The following CNBD1 variants were observed in gnomAD, a reference collection of about 807,000 sequenced individuals.
CNBD1 encodes the protein cyclic nucleotide-binding domain-containing protein 1.
CNBD1 carries 71 observed loss-of-function variants against 54.4 expected under a neutral mutation model. The observed-to-expected ratio is 1.30, with a 90% CI of 1.08 to 1.59. The LOEUF (loss-of-function observed/expected upper bound fraction) is 1.59. CNBD1 is among the 40% of genes most tolerant of loss of function. The pLI, the probability that CNBD1 is intolerant of heterozygous loss-of-function variation, is 0.00. For missense variants in CNBD1, 659 were observed against 518.0 expected, an observed-to-expected ratio of 1.27 and a Z score of -2.64; for synonymous variants, 182 against 170.7, an observed-to-expected ratio of 1.07 and a Z score of -0.51.
At chr8:87,016,843 C>T (rs998288084) in intron 4 of CNBD1, among the ~76,000 whole-genome samples, 3 of 152,120 alleles carry the variant, frequency 2.0e-5, no homozygotes, top group Middle Eastern at 3.2e-3. Flanking sequence ...GATTGCCCAA[C>T]GCTCCCTATA....
At chr8:87,261,291 A>G (rs970964485) in intron 6 of CNBD1, among the ~76,000 whole-genome samples, 1 of 152,236 alleles carries the variant, frequency 6.6e-6, no homozygotes, top group Middle Eastern at 3.4e-3. Flanking sequence ...TGAGAGATCA[A>G]TGGACACAAA....
At chr8:87,395,368 G>C (rs1233326763) in intron 2 of CNBD1, among the ~76,000 whole-genome samples, 1 of 151,876 alleles carries the variant, frequency 6.6e-6, no homozygotes, top group Non-Finnish European at 1.5e-5. Context: ...AAGTTATGGA[G>C]AAGAGGGAAG....
chr8:87,190,634 C>T (rs1385847369), intron 4 of CNBD1, among the ~76,000 whole-genome samples: 3 of 151,980 alleles, frequency 2.0e-5, no homozygotes, highest in East Asian at 1.9e-4. Flanking sequence ...AAGGTAATGA[C>T]GCTTAAGCTT....
chr8:87,152,231 G>T (rs1812619498), intron 4 of CNBD1, among the ~76,000 whole-genome samples: 1 of 152,064 alleles, frequency 6.6e-6, no homozygotes, highest in Non-Finnish European at 1.5e-5. Context: ...GGAGACATGA[G>T]TATAGTTACA....
intron 2 of CNBD1, among the ~76,000 whole-genome samples, chr8:87,417,073 T>C (rs896078418): frequency 1.3e-5 from 2 of 152,046 alleles, no homozygotes; most frequent in Non-Finnish European, 2.9e-5. Flanking sequence ...ATTAGTCTGT[T>C]CTCATGCGTT....
At chr8:87,214,008 C>T (rs1814155814) in intron 5 of CNBD1, among the ~76,000 whole-genome samples, 1 of 152,180 alleles carries the variant, frequency 6.6e-6, no homozygotes, top group African/African-American at 2.4e-5. Context: ...AATCTTAAAG[C>T]TTCAGAATGA....
At chr8:87,157,266 A>G (rs1812761303) in intron 4 of CNBD1, among the ~76,000 whole-genome samples, 1 of 152,218 alleles carries the variant, frequency 6.6e-6, no homozygotes, top group African/African-American at 2.4e-5. Flanking sequence ...TGGCTAATTT[A>G]TAAGATTTTG....
intron 4 of CNBD1, among the ~76,000 whole-genome samples, chr8:86,945,021 G>A (rs879261530): frequency 4.6e-5 from 7 of 152,084 alleles, no homozygotes; most frequent in Non-Finnish European, 8.8e-5. Flanking sequence ...AGAATCCTGG[G>A]CAAATCATCT....
intron 4 of CNBD1, among the ~76,000 whole-genome samples, chr8:87,010,176 C>G (rs1253874943): frequency 6.6e-6 from 1 of 152,068 alleles, no homozygotes; most frequent in Non-Finnish European, 1.5e-5. Context: ...GGAAGAAAAC[C>G]AGACATAGGC....
chr8:87,114,144 A>G (rs920058533), intron 4 of CNBD1, among the ~76,000 whole-genome samples: 5 of 152,200 alleles, frequency 3.3e-5, no homozygotes, highest in Admixed American at 1.3e-4. Flanking sequence ...AATTTTTGAA[A>G]AGGTTATTGA....
intron 10 of CNBD1, among the ~76,000 whole-genome samples, chr8:87,363,699 T>G (rs957944559): frequency 6.6e-6 from 1 of 152,024 alleles, no homozygotes; most frequent in East Asian, 1.9e-4. Context: ...TTTGATGGGG[T>G]TGTTTGTTTT....
chr8:87,170,652 T>G (rs1277330531), intron 4 of CNBD1, among the ~76,000 whole-genome samples: 1 of 152,190 alleles, frequency 6.6e-6, no homozygotes, highest in African/African-American at 2.4e-5. Flanking sequence ...TGGTTTTTGT[T>G]ATGTTGAGGC....
At chr8:87,344,230 A>T (rs1810124482) in intron 8 of CNBD1, among the ~76,000 whole-genome samples, 1 of 152,180 alleles carries the variant, frequency 6.6e-6, no homozygotes, top group African/African-American at 2.4e-5. Flanking sequence ...ATAGGAAGAA[A>T]ATATGGGTAA....
rs906999500 is a variant in CNBD1 at position 87,182,647 on chromosome 8, A to C, written c.432-23346A>C. ...ATTTGCATTTCTCTAATAGCTGGTGATGTTGAGCATTTTTTCATATGTTTG... is the reference window on the plus strand; with the variant it reads ...ATTTGCATTTCTCTAATAGCTGGTGCTGTTGAGCATTTTTTCATATGTTTG... On this transcript the variant is annotated intron_variant, in intron 4 of 10. Transcript: ENST00000518476. The surrounding 1 kb of genome is among the most constrained non-coding windows in gnomAD (Gnocchi z 4.1). Among the ~76,000 whole-genome samples the C allele has an allele frequency of 2.6e-5, 4 of 150,990 alleles. No homozygotes were observed. Among genetic ancestry groups the C allele is most frequent in the Admixed American group, 1.3e-4 (2 of 14,994 alleles).
chr8:87,425,475 G>T (rs949143342), intron 2 of CNBD1, among the ~76,000 whole-genome samples: 8 of 152,132 alleles, frequency 5.3e-5, no homozygotes, highest in Admixed American at 5.2e-4. Context: ...CTTTGATGAT[G>T]GTGACGTACA....
intron 2 of CNBD1, among the ~76,000 whole-genome samples, chr8:86,896,705 A>C (rs1327981547): frequency 1.3e-5 from 2 of 152,200 alleles, no homozygotes; most frequent in Non-Finnish European, 2.9e-5. Context: ...TATTAAAATT[A>C]AAAACTCAAG....
intron 8 of CNBD1, among the ~76,000 whole-genome samples, chr8:87,298,704 T>C (rs1479121813): frequency 1.3e-5 from 2 of 151,878 alleles, no homozygotes; most frequent in African/African-American, 4.8e-5. Context: ...CAGGCTGGTC[T>C]CGAACTCCTG....
chr8:87,018,034 A>G (rs1351496548), intron 4 of CNBD1, among the ~76,000 whole-genome samples: 1 of 152,192 alleles, frequency 6.6e-6, no homozygotes, highest in Non-Finnish European at 1.5e-5. Context: ...ACCTGAGGTC[A>G]GGAGTTCAAG....
intron 1 of CNBD1, among the ~76,000 whole-genome samples, chr8:86,867,034 C>G (rs1241715254): frequency 6.6e-6 from 1 of 151,986 alleles, no homozygotes; most frequent in African/African-American, 2.4e-5. Flanking sequence ...AAGATAATTC[C>G]TACTATTCTG....
Sources: allele counts gnomAD v4.1 joint callset (sites outside exome capture counted in the v4.1 genomes callset), GRCh38; gene constraint gnomAD v4.1.1; non-coding constraint Gnocchi (gnomAD v3.1); transcripts MANE v1.5; gene names NCBI Gene and HGNC (gene_info 2026-07-23, HGNC 2026-07-21).